TRIM28: variants seen among roughly 807,000 people sequenced by gnomAD.
The protein encoded by TRIM28 is transcription intermediary factor 1-beta.
TRIM28 carries 8 observed loss-of-function variants against 87.4 expected under a neutral mutation model. The observed-to-expected ratio is 0.09, with a 90% CI of 0.05 to 0.17. The LOEUF (loss-of-function observed/expected upper bound fraction) is 0.17. TRIM28 is among the 10% of genes least tolerant of loss of function. TRIM28 has a pLI of 1.00. For missense variants in TRIM28, 968 were observed against 1,131.8 expected (o/e 0.86, Z 2.08); for synonymous variants, 601 against 454.3 (o/e 1.32, Z -4.11).
Position 58,548,885 on chromosome 19 carries a change from G to C in TRIM28, c.1384G>C (p.Glu462Gln). ...AGGAGATGATCCCTACTCAAGTGCAGAGCCCCATGTGTCAGGTGTGAAACG... is the reference window on the plus strand; with the variant it reads ...AGGAGATGATCCCTACTCAAGTGCACAGCCCCATGTGTCAGGTGTGAAACG... ...GSGDDPYSSAEPHVSGVKRSR... is the reference protein window; with the variant it reads ...GSGDDPYSSAQPHVSGVKRSR... Residue 462 changes from glutamate (E) to glutamine (Q), a missense_variant, in exon 11 of 17, where the codon GAG becomes CAG. Around this residue, in one of 11 missense-constraint regions of TRIM28, gnomAD observed 119 missense variants for 93.6 expected, o/e 1.27. Transcript: ENST00000253024. 1 of 1,614,088 alleles carries C rather than the reference G, an allele frequency of 6.2e-7. No homozygotes were observed. The highest frequency in any genetic ancestry group is 8.5e-7 in the Non-Finnish European group (1 of 1,180,004).
chr19:58,545,140 G>A, intron 1 of TRIM28, 43 bp downstream of exon 1: 1 of 1,379,408 alleles, frequency 7.2e-7, no homozygotes, highest in Non-Finnish European at 9.4e-7. Context: ...CCTACTCTCT[G>A]CCTTTGATTC....
rs1209591842 is a variant in TRIM28, at chr19:58,549,435, T to G, written c.1767T>G (p.Gly589=). 1 of 1,606,648 alleles carries G rather than the reference T, an allele frequency of 6.2e-7. No individual in the cohort carries two copies. The highest frequency in any genetic ancestry group is 8.5e-7 in the Non-Finnish European group (1 of 1,174,558). Residue 589 remains glycine, a synonymous_variant, in exon 13 of 17, where the codon GGT becomes GGG. Transcript: ENST00000253024. The surrounding 1 kb of genome is among the most constrained non-coding windows in gnomAD (Gnocchi z 4.4). ...MALAEGPGAE[G]PRLASPSGST... is the part of the protein sequence containing the mutation. ...TTGCGGAGGGTCCTGGTGCTGAGGG[T>G]CCCCGCCTGGCCTCACCTAGTGGCA...
In TRIM28 at chr19:58,549,803, C is replaced by T. The variant is rs747529366; in HGVS notation, c.2049C>T (p.Ser683=). The change falls in exon 14 of 17, where the codon AGC becomes AGT. Residue 683 remains serine (S), a synonymous_variant. Transcript: ENST00000253024. This position sits in a 1 kb window ranked among gnomAD's most constrained non-coding sequence, Gnocchi z 4.4. ...PDLKEEDGSL[S]LDGADSTGVV... ...TGAAGGAGGAGGATGGCAGCCTCAG[C>T]CTGGATGGTGCAGACAGCACTGGCG... The T allele has an allele frequency of 7.4e-6, 12 of 1,612,634 alleles. No homozygotes were observed. In the African/African-American group the frequency reaches 1.1e-4, roughly 14 times the overall value.
chr19:58,544,831 G>T lies in TRIM28; in HGVS notation c.74G>T (p.Gly25Val). 1 of 1,275,470 alleles carries T rather than the reference G, an allele frequency of 7.8e-7. No homozygotes were observed. Among genetic ancestry groups the T allele is most frequent in the South Asian group, 2.4e-5 (1 of 41,188 alleles). 79.0% of individuals were successfully genotyped at this position (1,275,470 alleles called of 1,614,324 possible). A position where few individuals can be genotyped will look rare whatever the true frequency, so the allele number is the denominator to read the frequency against. The part of the protein sequence containing the change: ...AASGSPGPGE[G>V]SAGGEKRSTA... Reference sequence around the variant, plus strand: ...TCTGGCAGCCCGGGCCCGGGCGAGGGCTCCGCTGGCGGCGAAAAGCGCTCC... The same window carrying T: ...TCTGGCAGCCCGGGCCCGGGCGAGGTCTCCGCTGGCGGCGAAAAGCGCTCC... Residue 25 changes from glycine to valine, a missense_variant, in exon 1 of 17, where the codon GGC (glycine) becomes GTC (valine). Gly to Val is a moderately radical substitution (Grantham distance 109). This residue lies in a region of TRIM28 where 208 missense variants were observed against 170.9 expected (regional missense o/e 1.22). Transcript: ENST00000253024.
In TRIM28 at chr19:58,547,364, C is replaced by G; in HGVS notation, c.587-12C>G. On this transcript the variant is annotated splice_polypyrimidine_tract_variant and intron_variant, in intron 3 of 16. Transcript: ENST00000253024. ...AAGGGCAAGGTCCAGCCTTATGATTCCCACTCCCCAGGGCCAGCCAAGTCT... is the reference window on the plus strand; with the variant it reads ...AAGGGCAAGGTCCAGCCTTATGATTGCCACTCCCCAGGGCCAGCCAAGTCT... 1.9e-6 allele frequency: 3 copies of G among 1,611,664 alleles called. No homozygotes were observed. The highest frequency in any genetic ancestry group is 2.5e-6 in the Non-Finnish European group (3 of 1,178,104).
chr19:58,550,065 G>A, intron 15 of TRIM28, 30 bp downstream of exon 15: 1 of 1,613,838 alleles, frequency 6.2e-7, no homozygotes, highest in African/African-American at 1.3e-5. Flanking sequence ...AGGGGAAGGG[G>A]GTGGTGGCTG....
chr19:58,548,704 G>A (rs374518547), intron 9 of TRIM28, 36 bp from the exon 10 acceptor site: 2 of 1,612,390 alleles, frequency 1.2e-6, no homozygotes, highest in Admixed American at 1.7e-5. Context: ...TAGGGTTCCT[G>A]TCCCACTGAG....
In TRIM28 at chr19:58,550,164, C is replaced by G; in HGVS notation, c.2211C>G (p.Thr737=). 2 of 1,613,906 alleles carry G rather than the reference C, an allele frequency of 1.2e-6. No homozygotes were observed. Among genetic ancestry groups the G allele is most frequent in the Non-Finnish European group, 1.7e-6 (2 of 1,179,984 alleles). Residue 737 remains threonine (T), a synonymous_variant, in exon 16 of 17, where the codon ACC becomes ACG. Coordinates refer to ENST00000253024, the MANE Select transcript of TRIM28 (RefSeq NM_005762.3). ...STFSLDQPGG[T]LDLTLIRARL... ...GCCTGCAGGACCAGCCCGGTGGCAC[C>G]CTGGATCTGACCCTGATCCGTGCCC... is the stretch of plus-strand genomic sequence containing the variant.
Position 58,545,490 on chromosome 19 carries a change from C to A in TRIM28, c.406C>A (p.Arg136Ser). 1 of 1,604,538 alleles carries A rather than the reference C, an allele frequency of 6.2e-7. No individual in the cohort carries two copies. Among genetic ancestry groups the A allele is most frequent in the East Asian group, 2.3e-5 (1 of 44,388 alleles). ...AGACATCGTGGAGAATTATTTCATG[C>A]GTGATAGTGGCAGCAAGGCTGCCAC... ...SKDIVENYFM[R>S]DSGSKAATDA... is the part of the protein sequence containing the mutation. Residue 136 changes from arginine (R) to serine (S), a missense_variant, in exon 2 of 17, where the codon CGT (arginine) becomes AGT (serine). This residue lies in a region of TRIM28 where 51 missense variants were observed against 69.3 expected (regional missense o/e 0.74). Coordinates refer to ENST00000253024, the MANE Select transcript of TRIM28 (RefSeq NM_005762.3).
chr19:58,550,496 G>T lies in TRIM28; in HGVS notation c.2451G>T (p.Leu817=). The change falls in exon 17 of 17, where the codon CTG becomes CTT. Residue 817 remains leucine (L), a synonymous_variant. Coordinates refer to ENST00000253024, the MANE Select transcript of TRIM28 (RefSeq NM_005762.3). The part of the protein sequence containing the change: ...AVLVEPPPMS[L]PGAGLSSQEL... ...TGGTGGAGCCCCCGCCGATGAGCCT[G>T]CCTGGTGCTGGCCTGAGTTCCCAGG... is the stretch of plus-strand genomic sequence containing the variant. 1 of 1,612,794 alleles carries T rather than the reference G, an allele frequency of 6.2e-7. No individual in the cohort carries two copies. The highest frequency in any genetic ancestry group is 1.3e-5 in the African/African-American group (1 of 75,002).
In TRIM28 at chr19:58,545,168, G is replaced by C. The variant is rs377634532; in HGVS notation, c.340+71G>C. The C allele has an allele frequency of 1.3e-5, 17 of 1,319,670 alleles. No individual in the cohort carries two copies. In the African/African-American group the frequency reaches 1.6e-4, roughly 13 times the overall value. 81.7% of individuals were successfully genotyped at this position (1,319,670 alleles called of 1,614,324 possible). On this transcript the variant is annotated intron_variant, in intron 1 of 16. Transcript: ENST00000253024. ...TTTGATTCCGACTGGGTGCAGAGAT[G>C]AGGATGCCACCTGGGCGAGAGGATG...
chr19:58,546,030 G>C (rs1011140085), intron 3 of TRIM28, 134 bp downstream of exon 3: 1 of 1,146,034 alleles, frequency 8.7e-7, no homozygotes, highest in African/African-American at 1.5e-5. Context: ...CCCGAGGGCA[G>C]AACTCCAGAA....
chr19:58,547,969 G>A (rs1339672757), intron 6 of TRIM28, 63 bp downstream of exon 6: 1 of 1,613,242 alleles, frequency 6.2e-7, no homozygotes, highest in Non-Finnish European at 8.5e-7. Flanking sequence ...ATGCTGTCTG[G>A]GGTGAGGAGT....
rs1225260104 is a variant in TRIM28, at chr19:58,550,031, C to A, written c.2189C>A (p.Ser730Tyr). 1.9e-6 allele frequency: 3 copies of A among 1,614,086 alleles called. No homozygotes were observed. The highest frequency in any genetic ancestry group is 1.1e-5 in the South Asian group (1 of 91,074). ...CAGCTGGCTACCGACTCCACCTTCTCCCTGGTGAGTCCTAGGATGGGAAAG... is the reference window on the plus strand; with the variant it reads ...CAGCTGGCTACCGACTCCACCTTCTACCTGGTGAGTCCTAGGATGGGAAAG... ...LHQLATDSTF[S>Y]LDQPGGTLDL... The change falls in exon 15 of 17, where the codon TCC (serine) becomes TAC (tyrosine). Residue 730 changes from serine to tyrosine, a missense_variant. By Grantham distance (144) the Ser-to-Tyr change is moderately radical. Transcript: ENST00000253024.
intron 1 of TRIM28, 35 bp from the exon 2 acceptor site, chr19:58,545,390 C>T: frequency 6.5e-7 from 1 of 1,543,378 alleles, no homozygotes; most frequent in Non-Finnish European, 8.9e-7. Flanking sequence ...TGGGTGGGAA[C>T]TTGTAACAGT....
rs1568659364 is a variant in TRIM28 at position 58,545,634 on chromosome 19, C to T, written c.453+97C>T. On this transcript the variant is annotated intron_variant, in intron 2 of 16. Transcript: ENST00000253024. The stretch of plus-strand genomic sequence containing the variant: ...AGCTCCAGGCTGTTACTCCACTTTC[C>T]CAAGGCTCTGGGTGGGCTGCCTAGG... The T allele has an allele frequency of 6.7e-6, 10 of 1,502,508 alleles. No individual in the cohort carries two copies. In the East Asian group the frequency reaches 9.1e-5, roughly 14 times the overall value. The allele number at this position is 1,502,508 out of a possible 1,614,324, so 93.1% of individuals were successfully genotyped here. A position where few individuals can be genotyped will look rare whatever the true frequency, so the allele number is the denominator to read the frequency against.
At chr19:58,545,924 AGTT>A (rs2053757498) in intron 3 of TRIM28, 28 bp downstream of exon 3, 4 of 1,573,270 alleles carry the variant, frequency 2.5e-6, no homozygotes, top group African/African-American at 1.4e-5. Flanking sequence ...GGGCTGTTGG[AGTT>A]GTTCTCCCAT....
At chr19:58,545,217 A>G in intron 1 of TRIM28, 120 bp downstream of exon 1, 1 of 1,023,106 alleles carries the variant, frequency 9.8e-7, no homozygotes, top group Non-Finnish European at 1.4e-6. Flanking sequence ...GGCACGGGAA[A>G]TACTTTCTGG....
rs2053771618 is a variant in TRIM28, at chr19:58,547,493, A to G, written c.704A>G (p.Asn235Ser). The change falls in exon 4 of 17, where the codon AAT becomes AGT. Residue 235 changes from asparagine to serine, a missense_variant. Asn to Ser is a conservative substitution (Grantham distance 46, BLOSUM62 1). Coordinates refer to ENST00000253024, the MANE Select transcript of TRIM28 (RefSeq NM_005762.3). ...DTLTCRDCQL[N>S]AHKDHQYQFL... Reference sequence around the variant, plus strand: ...CTCACCTGCCGAGACTGCCAGCTCAATGCCCACAAGGACCACCAGTGAGTC... The same window carrying G: ...CTCACCTGCCGAGACTGCCAGCTCAGTGCCCACAAGGACCACCAGTGAGTC... 1.1e-5 allele frequency: 18 copies of G among 1,613,916 alleles called. No individual in the cohort carries two copies. The highest frequency in any genetic ancestry group is 3.3e-5 in the South Asian group (3 of 91,074).
Sources: gnomAD v4.1 joint callset for allele counts on GRCh38, gnomAD v4.1.1 for gene constraint, gnomAD v4.1.1 regional missense constraint, Gnocchi (gnomAD v3.1) non-coding constraint, MANE v1.5 for transcripts, NCBI Gene and HGNC (gene_info 2026-07-23, HGNC 2026-07-21) for gene names.